PPP2R5C: variants seen among roughly 807,000 people sequenced by gnomAD.
PPP2R5C encodes protein phosphatase 2 regulatory subunit B'gamma, also known as serine/threonine-protein phosphatase 2A 56 kDa regulatory subunit gamma isoform.
A neutral mutation model predicts 68.9 loss-of-function variants in PPP2R5C; 7 were observed. That is an observed-to-expected ratio of 0.10 (90% confidence interval 0.06 to 0.19). PPP2R5C has a LOEUF of 0.19. Ranked by LOEUF, PPP2R5C falls within the 10% of genes least tolerant of loss-of-function variation. The pLI, the probability that PPP2R5C is intolerant of heterozygous loss-of-function variation, is 1.00. For missense variants in PPP2R5C, 348 were observed against 641.3 expected (o/e 0.54, Z 4.94); for synonymous variants, 210 against 222.2 (o/e 0.95, Z 0.49).
chr14:101,910,884 C>T (rs1177095108), intron 11 of PPP2R5C, among the ~76,000 whole-genome samples: 2 of 151,994 alleles, frequency 1.3e-5, no homozygotes, highest in African/African-American at 4.8e-5. Flanking sequence ...AGGCAGATCA[C>T]CTGAGGTCAG....
At chr14:101,850,761 G>A (rs141426871) in intron 1 of PPP2R5C, among the ~76,000 whole-genome samples, 1 of 152,296 alleles carries the variant, frequency 6.6e-6, no homozygotes, top group East Asian at 1.9e-4. Context: ...AGAAGTCATG[G>A]AGAAATGGTC....
intron 5 of PPP2R5C, chr14:101,889,796 G>A (rs545764718): frequency 6.1e-5 from 22 of 362,080 alleles, no homozygotes; most frequent in South Asian, 3.8e-4. Context: ...TAAATATTGC[G>A]GGCTTTAAAA....
At chr14:101,911,740 G>A (rs946738579) in intron 11 of PPP2R5C, among the ~76,000 whole-genome samples, 1 of 151,928 alleles carries the variant, frequency 6.6e-6, no homozygotes, top group Non-Finnish European at 1.5e-5. Flanking sequence ...AAAATTAGCC[G>A]GGCGGTAGTA....
rs568376101 is a variant in PPP2R5C at position 101,906,032 on chromosome 14, C to T, written c.1024-370C>T. ...GATTTCTGCCTTGCTTTGTTCAGTG[C>T]TGAATGCTCAGCAGAACACAGCACG... On this transcript the variant is annotated intron_variant, in intron 9 of 13. Transcript: ENST00000334743. The surrounding 1 kb of genome is among the most constrained non-coding windows in gnomAD (Gnocchi z 4.0). 1.9e-4 allele frequency among the ~76,000 whole-genome samples: 29 copies of T among 152,338 alleles called. No individual in the cohort carries two copies. Among genetic ancestry groups the T allele is most frequent in the Admixed American group, 1.6e-3 (25 of 15,298 alleles).
Position 101,888,221 on chromosome 14 carries a change from G to A in PPP2R5C, c.630-2016G>A, listed in dbSNP as rs1040783413. On this transcript the variant is annotated intron_variant, in intron 5 of 13. Transcript: ENST00000334743. This position sits in a 1 kb window ranked among gnomAD's most constrained non-coding sequence, Gnocchi z 5.6. The stretch of plus-strand genomic sequence containing the variant: ...CAGATCACAGCTCTCCAAGGTCCAT[G>A]CGAGAGGAATAGTAAACTGAAGCCA... Among the ~76,000 whole-genome samples the A allele has an allele frequency of 3.9e-5, 6 of 152,092 alleles. No homozygotes were observed. The highest frequency in any genetic ancestry group is 1.2e-4 in the African/African-American group (5 of 41,420).
intron 2 of PPP2R5C, among the ~76,000 whole-genome samples, chr14:101,777,047 AT>A (rs1339355585): frequency 6.6e-6 from 1 of 151,282 alleles, no homozygotes; most frequent in Non-Finnish European, 1.5e-5. Flanking sequence ...TGCCCAGCTA[AT>A]TTTTGTATTT....
chr14:101,864,333 G>T (rs1566919247), intron 2 of PPP2R5C, among the ~76,000 whole-genome samples: 1 of 152,114 alleles, frequency 6.6e-6, no homozygotes, highest in Non-Finnish European at 1.5e-5. Context: ...AATCTATTGT[G>T]CTGGACCACT....
intron 1 of PPP2R5C, among the ~76,000 whole-genome samples, chr14:101,844,754 T>G (rs761147482): frequency 6.6e-6 from 1 of 152,222 alleles, no homozygotes; most frequent in Non-Finnish European, 1.5e-5. Flanking sequence ...TGGAATCAAT[T>G]TCAAGATGGA....
chr14:101,924,445 C>CTTTTTTTTTTTTTTTTTTTTTTTT lies in PPP2R5C; in HGVS notation c.1444-684_1444-683insTTTTTTTTTTTTTTTTTTTTTTTT, dbSNP rs11325673. On this transcript the variant is annotated intron_variant, in intron 13 of 13. Transcript: ENST00000334743. ...TTTACCTCCAAGGAAATTTCTACAT[C>CTTTTTTTTTTTTTTTTTTTTTTTT]TTTTTTTTTTTTGAGATGGAGTCTG... Among the ~76,000 whole-genome samples the CTTTTTTTTTTTTTTTTTTTTTTTT allele has an allele frequency of 1.6e-3, 139 of 84,444 alleles. 23 individuals carry two copies. Among genetic ancestry groups the CTTTTTTTTTTTTTTTTTTTTTTTT allele is most frequent in the East Asian group, 5.6e-3 (22 of 3,922 alleles). The allele number at this position is 84,444 out of a possible 152,430, so 55.4% of individuals were successfully genotyped here.
rs115294958 is a variant in PPP2R5C, at chr14:101,812,864, G to A, written c.94+2828G>A. Among the ~76,000 whole-genome samples, 551 of 152,322 alleles carry A rather than the reference G, an allele frequency of 3.6e-3. 7 individuals are homozygous for A. Among genetic ancestry groups the A allele is most frequent in the African/African-American group, 0.013 (521 of 41,568 alleles). On this transcript the variant is annotated intron_variant, in intron 1 of 13. Transcript: ENST00000334743. ...AAATGATCACCTGATTTGTTGTCAC[G>A]ATCGCTTTGACCATTATTGTCTACC...
At chr14:101,789,912 A>G (rs866613326) in intron 3 of PPP2R5C, 2 of 151,696 alleles carry the variant, frequency 1.3e-5, no homozygotes, top group African/African-American at 2.4e-5. Flanking sequence ...CAGTGCGTCC[A>G]TTTAGAAAGG....
intron 1 of PPP2R5C, chr14:101,843,755 TA>T (rs2140443491): frequency 4.7e-6 from 1 of 210,548 alleles, no homozygotes; most frequent in Non-Finnish European, 9.9e-6. Flanking sequence ...CAGCAAATTT[TA>T]CTTTTTTCTG....
At chr14:101,897,933 G>T (rs539807455) in intron 8 of PPP2R5C, among the ~76,000 whole-genome samples, 2 of 152,120 alleles carry the variant, frequency 1.3e-5, no homozygotes, top group African/African-American at 4.8e-5. Context: ...GGCAGGAGGA[G>T]CCCTTGAAGC....
intron 1 of PPP2R5C, among the ~76,000 whole-genome samples, chr14:101,845,256 C>T (rs1418023190): frequency 2.6e-5 from 4 of 152,184 alleles, no homozygotes; most frequent in Non-Finnish European, 5.9e-5. Flanking sequence ...GGAGATTTTA[C>T]AGCTGAGGAA....
intron 1 of PPP2R5C, among the ~76,000 whole-genome samples, chr14:101,831,290 A>G (rs2040720596): frequency 1.3e-5 from 2 of 152,222 alleles, no homozygotes; most frequent in African/African-American, 4.8e-5. Flanking sequence ...ATATTTATAT[A>G]TGACATTATG....
intron 1 of PPP2R5C, among the ~76,000 whole-genome samples, chr14:101,822,168 A>G (rs976218536): frequency 1.3e-5 from 2 of 148,410 alleles, no homozygotes; most frequent in Non-Finnish European, 3.0e-5. Flanking sequence ...GTTAAGGCCT[A>G]ATAGTGTCAC....
At chr14:101,854,597 C>G (rs994656802) in intron 1 of PPP2R5C, among the ~76,000 whole-genome samples, 4 of 152,146 alleles carry the variant, frequency 2.6e-5, no homozygotes, top group African/African-American at 9.6e-5. Flanking sequence ...TGGAAATGCT[C>G]GGCACCAGAG....
chr14:101,808,422 C>T (rs984614916), upstream of PPP2R5C, among the ~76,000 whole-genome samples: 1 of 152,132 alleles, frequency 6.6e-6, no homozygotes, highest in Non-Finnish European at 1.5e-5. Context: ...GAATCCAGCA[C>T]TGTCTGTCAG....
intron 2 of PPP2R5C, among the ~76,000 whole-genome samples, chr14:101,880,464 A>G (rs1382365198): frequency 6.6e-6 from 1 of 152,136 alleles, no homozygotes; most frequent in Non-Finnish European, 1.5e-5. Context: ...CTGAAAAATG[A>G]TATTAAGGTT....
Sources: allele counts gnomAD v4.1 joint callset (sites outside exome capture counted in the v4.1 genomes callset), GRCh38; gene constraint gnomAD v4.1.1; non-coding constraint Gnocchi (gnomAD v3.1); transcripts MANE v1.5; gene names NCBI Gene and HGNC (gene_info 2026-07-23, HGNC 2026-07-21).